The following LZTS1 variants were observed in gnomAD, a reference collection of about 807,000 sequenced individuals.
The protein encoded by LZTS1 is leucine zipper putative tumor suppressor 1.
Under a neutral mutation model 45.8 loss-of-function variants are expected in LZTS1, and 31 were observed. The ratio of observed to expected loss-of-function variants is 0.68; its 90% confidence interval spans 0.51 to 0.91. LZTS1 has a LOEUF of 0.91. Among genes scored for constraint, LZTS1 ranks in the 40% least tolerant of loss-of-function variants. The probability of loss-of-function intolerance (pLI) is 0.00; values close to 1 mark genes in which losing one functional copy is unlikely to be tolerated. For missense variants in LZTS1, 821 were observed against 788.9 expected (o/e 1.04, Z -0.49); for synonymous variants, 359 against 357.3 (o/e 1.00, Z -0.05).
At chr8:20,288,551 A>AT (rs1800839182) in intron 1 of LZTS1, among the ~76,000 whole-genome samples, 1 of 152,012 alleles carries the variant, frequency 6.6e-6, no homozygotes, top group Non-Finnish European at 1.5e-5. Context: ...CACTGTTACT[A>AT]CCCCAACTGA....
At chr8:20,257,930 T>C (rs1800144096) in intron 1 of LZTS1, among the ~76,000 whole-genome samples, 1 of 152,010 alleles carries the variant, frequency 6.6e-6, no homozygotes, top group African/African-American at 2.4e-5. Flanking sequence ...TGCCTAGGCC[T>C]CCCAAAGTGC....
At chr8:20,296,896 T>C (rs1263683070) in intron 1 of LZTS1, among the ~76,000 whole-genome samples, 3 of 152,214 alleles carry the variant, frequency 2.0e-5, no homozygotes, top group Non-Finnish European at 4.4e-5. Context: ...GACACCGATT[T>C]GGCCTGTCAC....
intron 3 of LZTS1, among the ~76,000 whole-genome samples, chr8:20,251,112 TATATATA>T (rs1799887399): frequency 1.1e-5 from 1 of 88,750 alleles, no homozygotes; most frequent in African/African-American, 4.5e-5. Flanking sequence ...TATATATATA[TATATATA>T]TATATATATA....
At chr8:20,287,897 CAAAAAAAAAA>C (rs34653802) in intron 1 of LZTS1, among the ~76,000 whole-genome samples, 7 of 54,118 alleles carry the variant, frequency 1.3e-4, no homozygotes, top group South Asian at 9.3e-4. Context: ...GCACTCCAGC[CAAAAAAAAAA>C]AAAAAAAAAA....
chr8:20,287,444 C>T (rs73669759), intron 1 of LZTS1, among the ~76,000 whole-genome samples: 178 of 152,342 alleles, frequency 1.2e-3, no homozygotes, highest in African/African-American at 3.6e-3. Flanking sequence ...TTGCCCACCT[C>T]GTTCTTTCGC....
At position 20,258,611 on chromosome 8, in the gene LZTS1, C is replaced by T. The variant is rs775695571; in HGVS notation, c.-134-3296G>A. Among the ~76,000 whole-genome samples, 5 of 152,066 alleles carry T rather than the reference C, an allele frequency of 3.3e-5. 1 individual carries two copies. Among genetic ancestry groups the T allele is most frequent in the South Asian group, 2.1e-4 (1 of 4,814 alleles). ...TATTGAATTGATGGCTTTGTATACT[C>T]GAGGAAATACAGTGAAGCAGCCTAC... On this transcript the variant is annotated intron_variant, in intron 1 of 3. Coordinates refer to ENST00000381569, the MANE Select transcript of LZTS1 (RefSeq NM_021020.5).
intron 2 of LZTS1, 106 bp from the exon 3 acceptor site, chr8:20,253,691 G>A (rs538064502): frequency 1.2e-6 from 1 of 814,056 alleles, no homozygotes; most frequent in Non-Finnish European, 1.8e-6. Flanking sequence ...GGCTCTCTGA[G>A]CGCACGCAGC....
intron 1 of LZTS1, among the ~76,000 whole-genome samples, chr8:20,302,116 T>G (rs1238581306): frequency 6.6e-6 from 1 of 152,126 alleles, no homozygotes; most frequent in East Asian, 1.9e-4. Context: ...AGCCTTTCCC[T>G]TCTGACGCCT....
intron 1 of LZTS1, among the ~76,000 whole-genome samples, chr8:20,301,120 C>CAAAAAAAAA (rs71222143): frequency 9.3e-6 from 1 of 107,132 alleles, no homozygotes; most frequent in African/African-American, 3.6e-5. Context: ...GACTCCGTCT[C>CAAAAAAAAA]AAAAAAAAAA....
At chr8:20,301,715 C>T (rs749201807) in intron 1 of LZTS1, among the ~76,000 whole-genome samples, 4 of 152,120 alleles carry the variant, frequency 2.6e-5, no homozygotes, top group East Asian at 1.9e-4. Flanking sequence ...TTCCCTCACA[C>T]ACTCCCAAAG....
At position 20,253,225 on chromosome 8, in the gene LZTS1, C is replaced by A; in HGVS notation, c.706G>T (p.Gly236Cys). 1 of 1,613,966 alleles carries A rather than the reference C, an allele frequency of 6.2e-7. No individual in the cohort carries two copies. The highest frequency in any genetic ancestry group is 1.1e-5 in the South Asian group (1 of 91,092). The change falls in exon 3 of 4, where the codon GGT (glycine) becomes TGT (cysteine). Residue 236 changes from glycine (G) to cysteine (C), a missense_variant. Transcript: ENST00000381569. Reference sequence around the variant, plus strand: ...TTGTTCGAGTGGCCCAGCTTGCTACCTCCGTCGGAGAAGGACAGAGCCTTC... The same window carrying A: ...TTGTTCGAGTGGCCCAGCTTGCTACATCCGTCGGAGAAGGACAGAGCCTTC... ...SLKALSFSDG[G>C]SKLGHSNKAD...
intron 1 of LZTS1, among the ~76,000 whole-genome samples, chr8:20,291,938 C>T (rs2128899019): frequency 6.6e-6 from 1 of 152,336 alleles, no homozygotes; most frequent in East Asian, 1.9e-4. Flanking sequence ...CTGCTCTCTC[C>T]ACCTGCTTCT....
intron 1 of LZTS1, among the ~76,000 whole-genome samples, chr8:20,266,601 C>CG (rs528180120): frequency 1.4e-5 from 2 of 146,704 alleles, no homozygotes; most frequent in African/African-American, 5.1e-5. Context: ...TGGACCAAGA[C>CG]AAAAAAAAAA....
chr8:20,260,968 A>G (rs1166878942), intron 1 of LZTS1, among the ~76,000 whole-genome samples: 1 of 152,176 alleles, frequency 6.6e-6, no homozygotes, highest in Admixed American at 6.5e-5. Flanking sequence ...ACTTGGAGAG[A>G]GCATTACACA....
At chr8:20,267,107 C>CAAAAAAAAAAAAAAA (rs11379373) in intron 1 of LZTS1, among the ~76,000 whole-genome samples, 1 of 109,694 alleles carries the variant, frequency 9.1e-6, no homozygotes, top group Non-Finnish European at 1.9e-5. Flanking sequence ...GACTCCATCT[C>CAAAAAAAAAAAAAAA]AAAAAAAAAA....
intron 1 of LZTS1, among the ~76,000 whole-genome samples, chr8:20,286,170 T>G (rs1468743735): frequency 6.6e-6 from 1 of 152,190 alleles, no homozygotes; most frequent in African/African-American, 2.4e-5. Context: ...GAATTTTTCT[T>G]CATCAAAGGT....
At chr8:20,264,994 G>T (rs1800318320) in intron 1 of LZTS1, among the ~76,000 whole-genome samples, 1 of 152,164 alleles carries the variant, frequency 6.6e-6, no homozygotes, top group Non-Finnish European at 1.5e-5. Context: ...TGGGAGTTCA[G>T]CCTGTTGGGC....
At position 20,249,864 on chromosome 8, in the gene LZTS1, T is replaced by A. The variant is rs201396798; in HGVS notation, c.1649A>T (p.Tyr550Phe). 1.3e-4 allele frequency: 203 copies of A among 1,614,196 alleles called. No homozygotes were observed. In the Middle Eastern group the frequency reaches 1.8e-3, roughly 14 times the overall value. ...IQYQKQLQQSYVAMYQRNQRL... is the reference protein window; with the variant it reads ...IQYQKQLQQSFVAMYQRNQRL... ...CTGGTTCCGCTGGTACATGGCCACG[T>A]AGCTCTGCTGCAGCTGTTTCTGGTA... is the stretch of plus-strand genomic sequence containing the variant. Residue 550 changes from tyrosine (Y) to phenylalanine (F), a missense_variant, in exon 4 of 4, where the codon TAC (tyrosine) becomes TTC (phenylalanine). Coordinates refer to ENST00000381569, the MANE Select transcript of LZTS1 (RefSeq NM_021020.5).
chr8:20,252,726 G>C, intron 3 of LZTS1, 56 bp downstream of exon 3: 1 of 1,431,226 alleles, frequency 7.0e-7, no homozygotes, highest in Non-Finnish European at 9.3e-7. Flanking sequence ...AAGGAGAGGG[G>C]GGTACTGGCG....
Sources: allele counts gnomAD v4.1 joint callset (sites outside exome capture counted in the v4.1 genomes callset), GRCh38; gene constraint gnomAD v4.1.1; transcripts MANE v1.5; gene names NCBI Gene and HGNC (gene_info 2026-07-23, HGNC 2026-07-21).